TTLL13: variants seen among roughly 807,000 people sequenced by gnomAD.
TTLL13 encodes the protein tubulin polyglutamylase TTLL13.
chr15:90,254,194 T>TTG, the TTLL13 span, among the ~76,000 whole-genome samples: 1 of 98,232 alleles, frequency 1.0e-5, no homozygotes, highest in African/African-American at 4.8e-5. Flanking sequence ...CCCTGTTTTT[T>TTG]TTTTTTTTAA....
At chr15:90,257,266 C>T in the TTLL13 span, 1 of 1,612,208 alleles carries the variant, frequency 6.2e-7, no homozygotes, top group South Asian at 1.1e-5. Context: ...ATATGGAGCC[C>T]AGCCATAACA....
At chr15:90,258,046 C>T in the TTLL13 span, 21 of 1,613,746 alleles carry the variant, frequency 1.3e-5, no homozygotes, top group Admixed American at 3.3e-5. Flanking sequence ...AGGAAGCTGT[C>T]GACACTCAAC....
the TTLL13 span, among the ~76,000 whole-genome samples, chr15:90,260,593 C>T: frequency 7.2e-5 from 11 of 152,052 alleles, no homozygotes; most frequent in African/African-American, 2.7e-4. Flanking sequence ...TGACTCAGGC[C>T]TGTAATCTCA....
the TTLL13 span, chr15:90,255,907 T>A: frequency 1.2e-6 from 2 of 1,614,052 alleles, no homozygotes; most frequent in Non-Finnish European, 1.7e-6. Context: ...TGGCTTCCCA[T>A]GCTGAGATAC....
the TTLL13 span, among the ~76,000 whole-genome samples, chr15:90,261,279 A>G: frequency 7.3e-5 from 11 of 150,954 alleles, 1 homozygote; most frequent in Middle Eastern, 0.021. Context: ...GGGTTTCGCT[A>G]TGTTGGCCAG....
At chr15:90,251,232 GCCTCCCGAGTAGCTGGGACTACAGGCA>G in the TTLL13 span, among the ~76,000 whole-genome samples, 2 of 147,558 alleles carry the variant, frequency 1.4e-5, no homozygotes, top group Admixed American at 7.0e-5. Flanking sequence ...TCCTGCCTCA[GCCTCCCGAGTAGCTGGGACTACAGGCA>G]CCTGCCACCA....
the TTLL13 span, chr15:90,258,262 T>C: frequency 6.2e-7 from 1 of 1,614,142 alleles, no homozygotes; most frequent in Non-Finnish European, 8.5e-7. Flanking sequence ...AAGCCCTGGC[T>C]GCTAGAGGTG....
At chr15:90,262,954 T>C in the TTLL13 span, 2 of 1,534,954 alleles carry the variant, frequency 1.3e-6, no homozygotes, top group Non-Finnish European at 1.7e-6. Context: ...TTATCTCTCA[T>C]GTACCTTGTA....
At chr15:90,265,275 C>A in the TTLL13 span, 300,932 of 1,232,352 alleles carry the variant, frequency 0.24, 38,457 homozygotes, top group South Asian at 0.34. Context: ...CGGCCCGGGG[C>A]TGGAGGCCAT....
At chr15:90,262,602 G>A in the TTLL13 span, 35 of 1,533,492 alleles carry the variant, frequency 2.3e-5, no homozygotes, top group Admixed American at 1.0e-4. Context: ...GAGAAAAGCC[G>A]ACCCAGGGCA....
chr15:90,257,422 C>A, the TTLL13 span: 13 of 1,299,182 alleles, frequency 1.0e-5, no homozygotes, highest in African/African-American at 1.5e-4. Flanking sequence ...AGCTGGGAGG[C>A]AAGTGTTTGG....
chr15:90,258,898 C>A, the TTLL13 span: 1 of 1,614,016 alleles, frequency 6.2e-7, no homozygotes, highest in South Asian at 1.1e-5. Flanking sequence ...AACGGCTTTT[C>A]CAGTGCTACC....
chr15:90,253,656 A>T, the TTLL13 span, among the ~76,000 whole-genome samples: 1 of 152,132 alleles, frequency 6.6e-6, no homozygotes, highest in Non-Finnish European at 1.5e-5. Flanking sequence ...GGGTGAGCAC[A>T]TCTTAGGGAG....
the TTLL13 span, among the ~76,000 whole-genome samples, chr15:90,252,226 A>G: frequency 1.3e-5 from 2 of 152,052 alleles, no homozygotes; most frequent in South Asian, 4.1e-4. Flanking sequence ...TTTAGTAGAC[A>G]GAGTTTCTCC....
the TTLL13 span, chr15:90,255,812 A>G: frequency 8.7e-6 from 14 of 1,614,008 alleles, no homozygotes; most frequent in Non-Finnish European, 1.1e-5. Context: ...GCTGGCTCGG[A>G]ACCTCAACCG....
At chr15:90,256,049 G>T in the TTLL13 span, 1 of 1,559,258 alleles carries the variant, frequency 6.4e-7, no homozygotes, top group South Asian at 1.2e-5. Context: ...GCTCCAGGAA[G>T]AGCATGGACT....
the TTLL13 span, chr15:90,258,753 C>T: frequency 6.2e-7 from 1 of 1,614,106 alleles, no homozygotes; most frequent in South Asian, 1.1e-5. Flanking sequence ...GTAAACCACT[C>T]TCCAAGCTTT....
At chr15:90,258,844 T>C in the TTLL13 span, 2 of 1,614,084 alleles carry the variant, frequency 1.2e-6, no homozygotes, top group Admixed American at 3.3e-5. Context: ...TCCGGGGCTG[T>C]GACAAAAGGA....
chr15:90,257,050 A>G, the TTLL13 span: 67 of 1,254,844 alleles, frequency 5.3e-5, no homozygotes, highest in Non-Finnish European at 7.4e-5. Flanking sequence ...TGGAAATTCA[A>G]TTAGCTATGT....
Sources: allele counts gnomAD v4.1 joint callset (sites outside exome capture counted in the v4.1 genomes callset), GRCh38; gene constraint gnomAD v4.1.1; transcripts MANE v1.5; gene names NCBI Gene and HGNC (gene_info 2026-07-23, HGNC 2026-07-21).